SPTAN1: variants seen among roughly 807,000 people sequenced by gnomAD.
SPTAN1 encodes spectrin alpha, non-erythrocytic 1, also known as spectrin alpha chain, non-erythrocytic 1.
SPTAN1 carries 61 observed loss-of-function variants against 331.3 expected under a neutral mutation model. The ratio of observed to expected loss-of-function variants is 0.18; its 90% confidence interval spans 0.15 to 0.23. The LOEUF (loss-of-function observed/expected upper bound fraction) is 0.23, where lower values mean the gene tolerates loss of function less well. Among genes scored for constraint, SPTAN1 ranks in the 10% least tolerant of loss-of-function variants. The pLI is 1.00. For missense variants in SPTAN1, 2,043 were observed against 3,147.9 expected, an observed-to-expected ratio of 0.65 and a Z score of 8.40; for synonymous variants, 1,153 against 1,173.9, an observed-to-expected ratio of 0.98 and a Z score of 0.36.
At chr9:128,578,074 G>T in intron 8 of SPTAN1, 36 bp from the exon 9 acceptor site, 1 of 1,613,626 alleles carries the variant, frequency 6.2e-7, no homozygotes, top group Non-Finnish European at 8.5e-7. Flanking sequence ...TGGAACCTCC[G>T]CTGGAAACAT....
chr9:128,624,557 T>C, intron 46 of SPTAN1, 70 bp downstream of exon 46: 1 of 1,572,284 alleles, frequency 6.4e-7, no homozygotes, highest in Non-Finnish European at 8.7e-7. Context: ...GTGTCATTGG[T>C]TTTCTTCTGC....
intron 1 of SPTAN1, among the ~76,000 whole-genome samples, chr9:128,556,344 T>C (rs1564175262): frequency 1.3e-5 from 2 of 152,086 alleles, no homozygotes; most frequent in South Asian, 2.1e-4. Flanking sequence ...ATAAAAAATA[T>C]AAACATTGGA....
Position 128,608,195 on chromosome 9 carries a change from C to G in SPTAN1, c.4410C>G (p.Thr1470=), listed in dbSNP as rs2228951. 1 of 1,614,074 alleles carries G rather than the reference C, an allele frequency of 6.2e-7. No homozygotes were observed. Among genetic ancestry groups the G allele is most frequent in the Non-Finnish European group, 8.5e-7 (1 of 1,180,024 alleles). Residue 1470 remains threonine, a synonymous_variant, in exon 34 of 57, where the codon ACC becomes ACG. Coordinates refer to ENST00000372739, the MANE Select transcript of SPTAN1 (RefSeq NM_001130438.3). ...WMAAREAFLN[T]EDKGDSLDSV... ...CTGCCCGGGAGGCCTTCTTGAATAC[C>G]GAAGACAAAGGAGACTCACTGGACA...
intron 24 of SPTAN1, among the ~76,000 whole-genome samples, chr9:128,594,930 C>A (rs1005105112): frequency 2.7e-5 from 4 of 148,552 alleles, no homozygotes; most frequent in Non-Finnish European, 5.9e-5. Flanking sequence ...CAGGTTCAAG[C>A]AGTTCTGTCT....
In SPTAN1 at chr9:128,583,242, A is replaced by G; in HGVS notation, c.1972A>G (p.Ser658Gly). ...GGCAGCTCGTATGAATGAGGTGATC[A>G]GTTTGTGGAAGAAACTGCTAGAGGC... ...EVAARMNEVI[S>G]LWKKLLEATE... The change falls in exon 15 of 57, where the codon AGT becomes GGT. Residue 658 changes from serine (S) to glycine (G), a missense_variant. Ser to Gly is a moderately conservative substitution (Grantham distance 56, BLOSUM62 0). This residue lies in a region of SPTAN1 where 1,038 missense variants were observed against 1,531.5 expected (regional missense o/e 0.68). Coordinates refer to ENST00000372739, the MANE Select transcript of SPTAN1 (RefSeq NM_001130438.3). 1 of 1,614,000 alleles carries G rather than the reference A, an allele frequency of 6.2e-7. No individual in the cohort carries two copies. The highest frequency in any genetic ancestry group is 2.2e-5 in the East Asian group (1 of 44,888).
At chr9:128,576,075 T>C (rs1851274633) in intron 5 of SPTAN1, among the ~76,000 whole-genome samples, 1 of 152,138 alleles carries the variant, frequency 6.6e-6, no homozygotes, top group African/African-American at 2.4e-5. Context: ...GTGACAGATG[T>C]GTTGCTTTTC....
At chr9:128,597,050 C>G (rs1854401079) in intron 24 of SPTAN1, among the ~76,000 whole-genome samples, 1 of 152,164 alleles carries the variant, frequency 6.6e-6, no homozygotes, top group African/African-American at 2.4e-5. Context: ...GACCCAGCTA[C>G]TCGGTACACT....
At position 128,626,703 on chromosome 9, in the gene SPTAN1, C is replaced by T. The variant is rs745494941; in HGVS notation, c.6576+16C>T. On this transcript the variant is annotated intron_variant, in intron 49 of 56. Coordinates refer to ENST00000372739, the MANE Select transcript of SPTAN1 (RefSeq NM_001130438.3). ...AATCATCAAGGTACACCTCCCGCTGCCCTCAGGAGCTGCTCGGCCTCCCAG... is the reference window on the plus strand; with the variant it reads ...AATCATCAAGGTACACCTCCCGCTGTCCTCAGGAGCTGCTCGGCCTCCCAG... The T allele has an allele frequency of 1.0e-5, 16 of 1,594,106 alleles. No homozygotes were observed. In the East Asian group the frequency reaches 3.6e-4, roughly 36 times the overall value.
At chr9:128,618,539 A>G (rs545470751) in intron 43 of SPTAN1, among the ~76,000 whole-genome samples, 8 of 152,030 alleles carry the variant, frequency 5.3e-5, no homozygotes, top group Admixed American at 2.6e-4. Context: ...GCTGGAGTGC[A>G]GTGGCACAAT....
chr9:128,556,326 A>G (rs763698404), intron 1 of SPTAN1, among the ~76,000 whole-genome samples: 4 of 152,138 alleles, frequency 2.6e-5, no homozygotes, highest in Admixed American at 6.5e-5. Context: ...GTATCTTGAT[A>G]TCCCAAAATA....
In SPTAN1 at chr9:128,560,885, G is replaced by A. The variant is rs746222854; in HGVS notation, c.-3-5853G>A. On this transcript the variant is annotated intron_variant, in intron 1 of 56. Coordinates refer to ENST00000372739, the MANE Select transcript of SPTAN1 (RefSeq NM_001130438.3). ...ACAAAAATTAGTCGCGTGTGGTGGC[G>A]GGTGCCTGTAATCCCAGCTACTGGG... 5.3e-5 allele frequency among the ~76,000 whole-genome samples: 8 copies of A among 151,578 alleles called. 1 individual carries two copies. Among genetic ancestry groups the A allele is most frequent in the Admixed American group, 4.6e-4 (7 of 15,202 alleles).
chr9:128,593,761 G>C (rs957659998), intron 23 of SPTAN1: 4 of 243,530 alleles, frequency 1.6e-5, no homozygotes, highest in African/African-American at 8.8e-5. Flanking sequence ...CCCAGCCTGG[G>C]GGCTCTTCAG....
chr9:128,579,202 G>A (rs1421219993), intron 9 of SPTAN1, among the ~76,000 whole-genome samples: 1 of 152,118 alleles, frequency 6.6e-6, no homozygotes, highest in Non-Finnish European at 1.5e-5. Context: ...TTTTTGCAAT[G>A]AGATAAGCTG....
intron 44 of SPTAN1, 35 bp downstream of exon 44, chr9:128,619,038 C>T (rs41308920): frequency 0.018 from 28,515 of 1,612,462 alleles, 278 homozygotes; most frequent in Non-Finnish European, 0.021. Flanking sequence ...CCTGCTTTCT[C>T]TCTTGGCAAC....
chr9:128,612,447 G>A (rs1390617916), intron 39 of SPTAN1, among the ~76,000 whole-genome samples: 2 of 152,184 alleles, frequency 1.3e-5, no homozygotes, highest in Non-Finnish European at 2.9e-5. Context: ...ACTTGTAGTG[G>A]CACTTGGACT....
chr9:128,605,946 C>G (rs1205031532), intron 31 of SPTAN1, among the ~76,000 whole-genome samples: 1 of 149,024 alleles, frequency 6.7e-6, no homozygotes, highest in Non-Finnish European at 1.5e-5. Flanking sequence ...GAGCCAAGAT[C>G]GTGCCACTGC....
chr9:128,605,218 C>T (rs763871077), intron 30 of SPTAN1, 40 bp downstream of exon 30: 2 of 1,613,894 alleles, frequency 1.2e-6, no homozygotes, highest in Admixed American at 3.3e-5. Context: ...GGCATTTTTG[C>T]CCCAGAAAGA....
chr9:128,628,855 C>T (rs1859210781), intron 51 of SPTAN1: 1 of 340,112 alleles, frequency 2.9e-6, no homozygotes, highest in Non-Finnish European at 5.3e-6. Flanking sequence ...CCTCCCTGCC[C>T]CATGCCTGTG....
At position 128,607,773 on chromosome 9, in the gene SPTAN1, C is replaced by G. The variant is rs2131614919; in HGVS notation, c.4146+70C>G. On this transcript the variant is annotated intron_variant, in intron 32 of 56. Coordinates refer to ENST00000372739, the MANE Select transcript of SPTAN1 (RefSeq NM_001130438.3). The stretch of plus-strand genomic sequence containing the variant: ...CAGGGCCCTAGAGGCCTCATTCCCA[C>G]CCTTTGTGGTGAGTCGGTGGTTGAC... 7.4e-6 allele frequency: 12 copies of G among 1,611,282 alleles called. No homozygotes were observed. In the South Asian group the frequency reaches 1.3e-4, roughly 18 times the overall value.
Sources: gnomAD v4.1 joint callset for allele counts (sites outside exome capture counted in the v4.1 genomes callset) on GRCh38, gnomAD v4.1.1 for gene constraint, gnomAD v4.1.1 regional missense constraint, MANE v1.5 for transcripts, NCBI Gene and HGNC (gene_info 2026-07-23, HGNC 2026-07-21) for gene names.